Variants in FRMD6 observed in about 807,000 individuals in gnomAD.
FRMD6 encodes the protein FERM domain-containing protein 6.
In FRMD6, 37 loss-of-function variants were observed where a neutral mutation model predicts 73.2. That is an observed-to-expected ratio of 0.51 (90% CI 0.39 to 0.66). The LOEUF is 0.66. Ranked by LOEUF, FRMD6 falls within the 30% of genes least tolerant of loss-of-function variation. The pLI is 0.00. For synonymous variants in FRMD6, 273 were observed against 282.2 expected (o/e 0.97, Z 0.33); for missense variants, 714 against 780.5 (o/e 0.91, Z 1.02).
intron 2 of FRMD6, among the ~76,000 whole-genome samples, chr14:51,640,351 G>A (rs1594640237): frequency 6.6e-6 from 1 of 152,136 alleles, no homozygotes; most frequent in East Asian, 1.9e-4. Context: ...TTTAAAACTT[G>A]TTTTAGTATA....
At chr14:51,657,650 T>C (rs1028264621) in intron 1 of FRMD6, among the ~76,000 whole-genome samples, 1 of 152,188 alleles carries the variant, frequency 6.6e-6, no homozygotes, top group Non-Finnish European at 1.5e-5. Flanking sequence ...GACCTTTTGA[T>C]GGCTCTAAAA....
chr14:51,607,652 G>C (rs934718645), intron 2 of FRMD6, among the ~76,000 whole-genome samples: 1 of 152,208 alleles, frequency 6.6e-6, no homozygotes, highest in Non-Finnish European at 1.5e-5. Flanking sequence ...CAGTCTGCAC[G>C]CTTTGTTGGG....
chr14:51,633,974 T>C (rs1185679980), intron 2 of FRMD6, among the ~76,000 whole-genome samples: 2 of 152,066 alleles, frequency 1.3e-5, no homozygotes, highest in Non-Finnish European at 1.5e-5. Flanking sequence ...TAAAATGTGA[T>C]GGCAGGTTTA....
At chr14:51,684,028 C>T (rs936273007) in intron 1 of FRMD6, among the ~76,000 whole-genome samples, 2 of 152,040 alleles carry the variant, frequency 1.3e-5, no homozygotes, top group Admixed American at 6.6e-5. Flanking sequence ...CAACTACTTT[C>T]TTTATAGGTA....
At chr14:51,679,881 C>T (rs181769332) in intron 1 of FRMD6, among the ~76,000 whole-genome samples, 5 of 152,126 alleles carry the variant, frequency 3.3e-5, no homozygotes, top group African/African-American at 9.6e-5. Context: ...TTCCCAAGTA[C>T]CTATTGTCAT....
chr14:51,412,330 G>T, the FRMD6 span, among the ~76,000 whole-genome samples: 1 of 152,124 alleles, frequency 6.6e-6, no homozygotes, highest in African/African-American at 2.4e-5. Context: ...CGAGAAAAAT[G>T]ACGTGATGAA....
chr14:51,617,296 C>G (rs1021107381), intron 2 of FRMD6, among the ~76,000 whole-genome samples: 1 of 151,982 alleles, frequency 6.6e-6, no homozygotes, highest in Non-Finnish European at 1.5e-5. Context: ...TACTACTGAA[C>G]AGCAGGGAGT....
At chr14:51,593,577 G>A (rs11846630) in intron 2 of FRMD6, among the ~76,000 whole-genome samples, 73,157 of 151,904 alleles carry the variant, frequency 0.48, 17,862 homozygotes, top group South Asian at 0.6. Context: ...GTCTTGCTTC[G>A]CATCCTCTGC....
the FRMD6 span, among the ~76,000 whole-genome samples, chr14:51,421,600 C>T: frequency 4.9e-4 from 74 of 152,198 alleles, no homozygotes; most frequent in Middle Eastern, 6.8e-3. Context: ...GCAAAAGAAC[C>T]GTAAGAGCCT....
At chr14:51,418,410 G>T in the FRMD6 span, among the ~76,000 whole-genome samples, 1 of 152,138 alleles carries the variant, frequency 6.6e-6, no homozygotes, top group Non-Finnish European at 1.5e-5. Flanking sequence ...CAGCACTCAG[G>T]TCCCTCAGCT....
chr14:51,695,933 T>C (rs1325605574), intron 2 of FRMD6, among the ~76,000 whole-genome samples: 1 of 152,174 alleles, frequency 6.6e-6, no homozygotes, highest in Non-Finnish European at 1.5e-5. Flanking sequence ...TGTCTTTATT[T>C]TCCTAATCTG....
intron 1 of FRMD6, among the ~76,000 whole-genome samples, chr14:51,526,715 C>T (rs948968132): frequency 6.6e-6 from 1 of 152,336 alleles, no homozygotes; most frequent in African/African-American, 2.4e-5. Context: ...TTCTCCACCA[C>T]TCTCATCAGA....
At chr14:51,665,671 A>C (rs541822287) in intron 1 of FRMD6, among the ~76,000 whole-genome samples, 4 of 152,174 alleles carry the variant, frequency 2.6e-5, no homozygotes, top group Non-Finnish European at 5.9e-5. Context: ...ACTATTTGCT[A>C]ATGGTTTGGC....
At chr14:51,582,426 G>A (rs562086291) in intron 2 of FRMD6, among the ~76,000 whole-genome samples, 1 of 152,208 alleles carries the variant, frequency 6.6e-6, no homozygotes, top group East Asian at 1.9e-4. Context: ...CATTACTTTG[G>A]AGTTTTGCTG....
At chr14:51,637,713 T>C (rs1891635988) in intron 2 of FRMD6, 2 of 152,072 alleles carry the variant, frequency 1.3e-5, no homozygotes, top group Non-Finnish European at 2.9e-5. Context: ...TTTCTATAAG[T>C]CACAAGAAGG....
chr14:51,511,219 A>G (rs929689846), intron 1 of FRMD6, among the ~76,000 whole-genome samples: 3 of 152,234 alleles, frequency 2.0e-5, no homozygotes, highest in African/African-American at 7.2e-5. Context: ...GGTCTTAACT[A>G]CAGTTATTTA....
the FRMD6 span, among the ~76,000 whole-genome samples, chr14:51,401,404 G>C: frequency 2.0e-5 from 3 of 152,312 alleles, no homozygotes; most frequent in African/African-American, 7.2e-5. Context: ...GTACAGTTCT[G>C]CTTTGGGTTT....
chr14:51,462,742 T>A, the FRMD6 span, among the ~76,000 whole-genome samples: 1 of 151,138 alleles, frequency 6.6e-6, no homozygotes, highest in Non-Finnish European at 1.5e-5. Flanking sequence ...AGATCAAGTG[T>A]CAAAATAAAA....
intron 1 of FRMD6, among the ~76,000 whole-genome samples, chr14:51,551,357 A>T (rs1886822434): frequency 2.0e-5 from 3 of 152,238 alleles, no homozygotes; most frequent in Admixed American, 2.0e-4. Context: ...TTAAATATAG[A>T]TAGTAAAAAG....
Sources: allele counts gnomAD v4.1 joint callset (sites outside exome capture counted in the v4.1 genomes callset), GRCh38; gene constraint gnomAD v4.1.1; transcripts MANE v1.5; gene names NCBI Gene and HGNC (gene_info 2026-07-23, HGNC 2026-07-21).